The following CTNNA2 variants were observed in gnomAD, a reference collection of about 807,000 sequenced individuals.
The protein encoded by CTNNA2 is catenin alpha-2.
In CTNNA2, 42 loss-of-function variants were observed where a neutral mutation model predicts 101.0. The ratio of observed to expected loss-of-function variants is 0.42; its 90% CI spans 0.32 to 0.54. The LOEUF (loss-of-function observed/expected upper bound fraction) is 0.54, where lower values mean the gene tolerates loss of function less well. Among genes scored for constraint, CTNNA2 ranks in the 20% least tolerant of loss-of-function variants. CTNNA2 has a pLI of 0.14. For synonymous variants in CTNNA2, 450 were observed against 456.4 expected (o/e 0.99, Z 0.18); for missense variants, 871 against 1,223.1 (o/e 0.71, Z 4.29).
chr2:79,458,521 C>T (rs1573175322), intron 4 of CTNNA2, among the ~76,000 whole-genome samples: 1 of 152,166 alleles, frequency 6.6e-6, no homozygotes, highest in South Asian at 2.1e-4. Flanking sequence ...TTCTTCCACT[C>T]ACTTATTTTT....
chr2:79,506,403 G>A (rs1406254929), intron 5 of CTNNA2, among the ~76,000 whole-genome samples: 2 of 152,116 alleles, frequency 1.3e-5, no homozygotes, highest in East Asian at 3.9e-4. Context: ...TCCATCAGCA[G>A]GGAGGTATCA....
intron 12 of CTNNA2, among the ~76,000 whole-genome samples, chr2:80,570,808 CTG>C (rs1491499829): frequency 6.6e-6 from 1 of 152,098 alleles, no homozygotes; most frequent in Non-Finnish European, 1.5e-5. Flanking sequence ...GTCAATAACA[CTG>C]TTGTTTATAC....
At position 80,149,774 on chromosome 2, in the gene CTNNA2, T is replaced by TCACACACA. The variant is rs10595115; in HGVS notation, c.1056+240012_1056+240019dup. 9.0e-3 allele frequency among the ~76,000 whole-genome samples: 1,295 copies of TCACACACA among 143,366 alleles called. 7 individuals are homozygous for TCACACACA. Among genetic ancestry groups the TCACACACA allele is most frequent in the South Asian group, 0.016 (70 of 4,326 alleles). 94.1% of individuals were successfully genotyped at this position (143,366 alleles called of 152,430 possible). ...TCAGGGAATACTCGATTAGAATGGA[T>TCACACACA]CACACACACACACACACACACACAC... On this transcript the variant is annotated intron_variant, in intron 7 of 18. Transcript: ENST00000402739.
intron 17 of CTNNA2, among the ~76,000 whole-genome samples, chr2:80,611,420 G>A (rs62151986): frequency 0.028 from 4,172 of 151,658 alleles, 67 homozygotes; most frequent in Middle Eastern, 0.034. Flanking sequence ...TGCAAGTAAT[G>A]TCCATTAAAT....
chr2:80,372,571 T>A (rs1675546167), intron 7 of CTNNA2, among the ~76,000 whole-genome samples: 1 of 152,112 alleles, frequency 6.6e-6, no homozygotes, highest in Non-Finnish European at 1.5e-5. Flanking sequence ...GTTTATCATA[T>A]GAGTATGTCA....
At chr2:79,697,341 C>T (rs534534512) in intron 2 of CTNNA2, among the ~76,000 whole-genome samples, 1 of 152,114 alleles carries the variant, frequency 6.6e-6, no homozygotes, top group South Asian at 2.1e-4. Flanking sequence ...ATCAGAGATG[C>T]ATCTCCATTT....
chr2:80,604,811 C>T (rs567521872), intron 16 of CTNNA2, among the ~76,000 whole-genome samples: 8 of 151,782 alleles, frequency 5.3e-5, no homozygotes, highest in South Asian at 2.1e-4. Context: ...AAAAAGTTGT[C>T]GCGGACTCTA....
chr2:80,075,597 TAAATATTTATACATG>T lies in CTNNA2; in HGVS notation c.1056+165801_1056+165815del, dbSNP rs1306439620. On this transcript the variant is annotated intron_variant, in intron 7 of 18. Transcript: ENST00000402739. ...AATAATATTTATACATGTATAAATA[TAAATATTTATACATG>T]TATAAATATAAATATTTATACATGT... 9.7e-4 allele frequency among the ~76,000 whole-genome samples: 73 copies of T among 75,262 alleles called. 2 individuals carry two copies. Among genetic ancestry groups the T allele is most frequent in the African/African-American group, 2.6e-3 (51 of 19,902 alleles). The allele number at this position is 75,262 out of a possible 152,430, so 49.4% of individuals were successfully genotyped here. A position where few individuals can be genotyped will look rare whatever the true frequency, so the allele number is the denominator to read the frequency against.
chr2:79,307,880 T>G (rs1013107436), intron 2 of CTNNA2, among the ~76,000 whole-genome samples: 2 of 152,000 alleles, frequency 1.3e-5, no homozygotes, highest in African/African-American at 4.8e-5. Context: ...CCAACATTTG[T>G]TTTTTTTCTT....
At chr2:79,670,256 G>A (rs1573627611) in intron 2 of CTNNA2, among the ~76,000 whole-genome samples, 1 of 152,270 alleles carries the variant, frequency 6.6e-6, no homozygotes, top group Non-Finnish European at 1.5e-5. Flanking sequence ...CAGCAGCTGC[G>A]GCTGCACATG....
chr2:80,354,382 T>A (rs1290890253), intron 7 of CTNNA2, among the ~76,000 whole-genome samples: 1 of 152,080 alleles, frequency 6.6e-6, no homozygotes, highest in Non-Finnish European at 1.5e-5. Flanking sequence ...TCCAATGCCA[T>A]CATAACCAAA....
At chr2:79,936,357 C>G (rs1687789928) in intron 7 of CTNNA2, among the ~76,000 whole-genome samples, 2 of 151,522 alleles carry the variant, frequency 1.3e-5, no homozygotes, top group African/African-American at 4.9e-5. Context: ...ATTTAATTGT[C>G]ATACCTGTGA....
intron 7 of CTNNA2, among the ~76,000 whole-genome samples, chr2:80,331,235 C>A (rs1318362643): frequency 6.6e-6 from 1 of 152,162 alleles, no homozygotes; most frequent in Non-Finnish European, 1.5e-5. Context: ...GTTATCACAT[C>A]GGGCATGCGG....
intron 18 of CTNNA2, among the ~76,000 whole-genome samples, chr2:80,637,867 C>G (rs1194891300): frequency 6.6e-6 from 1 of 152,176 alleles, no homozygotes. Context: ...GTCTACTTTT[C>G]TCTCAGTGAT....
chr2:80,574,033 C>T, intron 12 of CTNNA2, 130 bp from the exon 13 acceptor site: 1 of 872,678 alleles, frequency 1.1e-6, no homozygotes. Flanking sequence ...TCACTTCAAA[C>T]TGGACAGATG....
chr2:79,866,960 G>C (rs1682154477), intron 4 of CTNNA2, among the ~76,000 whole-genome samples: 1 of 152,042 alleles, frequency 6.6e-6, no homozygotes, highest in Non-Finnish European at 1.5e-5. Context: ...GACATCGTTG[G>C]GGTTCAAATC....
At chr2:79,525,901 A>G (rs530609342) in intron 1 of CTNNA2, among the ~76,000 whole-genome samples, 9 of 151,916 alleles carry the variant, frequency 5.9e-5, no homozygotes, top group Non-Finnish European at 1.3e-4. Context: ...ACATATAGCT[A>G]TTTTCTGTTC....
chr2:79,556,894 G>A (rs1184234764), intron 1 of CTNNA2, among the ~76,000 whole-genome samples: 2 of 151,938 alleles, frequency 1.3e-5, no homozygotes, highest in Non-Finnish European at 2.9e-5. Context: ...TAAATCAGCA[G>A]TACCTTTTTG....
intron 7 of CTNNA2, among the ~76,000 whole-genome samples, chr2:80,051,078 A>G (rs566170176): frequency 6.6e-6 from 1 of 152,278 alleles, no homozygotes; most frequent in Non-Finnish European, 1.5e-5. Context: ...TGAGGGCGGT[A>G]TAATGTTACC....
Sources: allele counts gnomAD v4.1 joint callset (sites outside exome capture counted in the v4.1 genomes callset), GRCh38; gene constraint gnomAD v4.1.1; transcripts MANE v1.5; gene names NCBI Gene and HGNC (gene_info 2026-07-23, HGNC 2026-07-21).